Variants in DENND11 observed in about 807,000 individuals in gnomAD.
DENND11 encodes DENN domain-containing protein 11.
In DENND11, 34 loss-of-function variants were observed where a neutral mutation model predicts 49.2. The observed-to-expected ratio is 0.69, with a 90% confidence interval of 0.53 to 0.92. The LOEUF is 0.92. DENND11 is among the 40% of genes least tolerant of loss of function. The probability of loss-of-function intolerance (pLI) is 0.00; values close to 1 mark genes in which losing one functional copy is unlikely to be tolerated. For missense variants in DENND11, 475 were observed against 581.6 expected (o/e 0.82, Z 1.88); for synonymous variants, 238 against 230.3 (o/e 1.03, Z -0.30).
chr7:141,659,764 CAGA>C lies in DENND11; in HGVS notation c.*2889_*2891del, dbSNP rs1314370552. 1 of 152,306 alleles carries C rather than the reference CAGA, an allele frequency of 6.6e-6. No homozygotes were observed. Among genetic ancestry groups the C allele is most frequent in the African/African-American group, 2.4e-5 (1 of 41,448 alleles). 9.4% of individuals were successfully genotyped at this position (152,306 alleles called of 1,614,324 possible). On this transcript the variant is annotated 3_prime_UTR_variant, in exon 9 of 9. Transcript: ENST00000536163. ...GCTGAGGCCCGGCAGGAGATGGTGG[CAGA>C]AGGTGTCACACCACAGGTATCCAAC...
chr7:141,664,278 C>G, intron 7 of DENND11, 38 bp from the exon 8 acceptor site: 1 of 1,526,572 alleles, frequency 6.6e-7, no homozygotes, highest in Non-Finnish European at 8.9e-7. Flanking sequence ...GGTGCAGGTA[C>G]CAGGACCGCA....
Position 141,699,454 on chromosome 7 carries a change from T to G in DENND11, c.268+2432A>C, listed in dbSNP as rs148757215. 0.012 allele frequency among the ~76,000 whole-genome samples: 1,860 copies of G among 152,238 alleles called. 47 individuals are homozygous for G. The South Asian group carries it at 0.14, about 12-fold the overall frequency. ...ATATGGTACAAGGTCTATCAGAGTA[T>G]TTTTACAGGAAGCAAAGTGCCATTT... On this transcript the variant is annotated intron_variant, in intron 1 of 8. Transcript: ENST00000536163.
At chr7:141,679,645 G>A (rs1315097910) in intron 3 of DENND11, among the ~76,000 whole-genome samples, 1 of 151,742 alleles carries the variant, frequency 6.6e-6, no homozygotes, top group East Asian at 1.9e-4. Context: ...CTGGGAGGCG[G>A]AGGTTGCAAT....
At chr7:141,682,820 T>G (rs1183309474) in intron 3 of DENND11, among the ~76,000 whole-genome samples, 1 of 152,210 alleles carries the variant, frequency 6.6e-6, no homozygotes, top group Non-Finnish European at 1.5e-5. Flanking sequence ...TTAAAATTTT[T>G]GGATTTTGAA....
At chr7:141,691,909 A>T (rs12670431) in intron 1 of DENND11, among the ~76,000 whole-genome samples, 52,025 of 149,034 alleles carry the variant, frequency 0.35, 10,294 homozygotes, top group East Asian at 0.52. Context: ...ATGGGTATTT[A>T]AAAAAAAACA....
At chr7:141,682,013 C>T (rs923080917) in intron 3 of DENND11, among the ~76,000 whole-genome samples, 2 of 152,166 alleles carry the variant, frequency 1.3e-5, no homozygotes, top group African/African-American at 2.4e-5. Context: ...AGTGACCATC[C>T]GTATTTCTCA....
rs1039148460 is a variant in DENND11, at chr7:141,661,469, C to T, written c.*1187G>A. Reference sequence around the variant, plus strand: ...TCAGGGATGCTCAGGGCTTCCTGACCACTGTCCCGGGTGAAGGCACTGCCA... The same window carrying T: ...TCAGGGATGCTCAGGGCTTCCTGACTACTGTCCCGGGTGAAGGCACTGCCA... On this transcript the variant is annotated 3_prime_UTR_variant, in exon 9 of 9. Coordinates refer to ENST00000536163, the MANE Select transcript of DENND11 (RefSeq NM_001080392.2). 1 of 152,260 alleles carries T rather than the reference C, an allele frequency of 6.6e-6. No individual in the cohort carries two copies. Among genetic ancestry groups the T allele is most frequent in the Admixed American group, 6.5e-5 (1 of 15,288 alleles). 9.4% of individuals were successfully genotyped at this position (152,260 alleles called of 1,614,324 possible). A position where few individuals can be genotyped will look rare whatever the true frequency, so the allele number is the denominator to read the frequency against.
At position 141,665,427 on chromosome 7, in the gene DENND11, T is replaced by G. The variant is rs1185609642; in HGVS notation, c.821-109A>C. ...CTCCAGGCTATCTGGTGCTTCAGGA[T>G]CCAGGTGGTCCTGGCGTTCTGAGGA... On this transcript the variant is annotated intron_variant, in intron 5 of 8. Transcript: ENST00000536163. The G allele has an allele frequency of 2.8e-6, 4 of 1,449,454 alleles. No individual in the cohort carries two copies. In the East Asian group the frequency reaches 9.8e-5, roughly 36 times the overall value. 89.8% of individuals were successfully genotyped at this position (1,449,454 alleles called of 1,614,324 possible).
intron 7 of DENND11, 69 bp from the exon 8 acceptor site, chr7:141,664,309 C>G: frequency 1.6e-6 from 2 of 1,232,192 alleles, no homozygotes; most frequent in Non-Finnish European, 2.3e-6. Context: ...AGGCCTCAGC[C>G]AGGCATCTTC....
intron 1 of DENND11, among the ~76,000 whole-genome samples, chr7:141,695,108 C>T (rs1040569109): frequency 1.3e-5 from 2 of 151,990 alleles, no homozygotes; most frequent in Non-Finnish European, 2.9e-5. Flanking sequence ...AAAAAATGTG[C>T]CACTGACAAA....
intron 1 of DENND11, among the ~76,000 whole-genome samples, chr7:141,693,607 G>A (rs563513905): frequency 5.9e-5 from 9 of 152,156 alleles, no homozygotes; most frequent in Non-Finnish European, 1.2e-4. Flanking sequence ...TCCTTCATAG[G>A]TGAATGGATA....
chr7:141,671,930 C>T (rs559468276), intron 4 of DENND11, among the ~76,000 whole-genome samples: 1 of 152,304 alleles, frequency 6.6e-6, no homozygotes, highest in African/African-American at 2.4e-5. Context: ...CAATTGGCTT[C>T]CTGTTAGAGT....
At position 141,658,224 on chromosome 7, in the gene DENND11, CTTA is replaced by C. The variant is rs986163209; in HGVS notation, c.*4429_*4431del. 6.6e-6 allele frequency: 1 copy of C among 152,188 alleles called. No individual in the cohort carries two copies. Among genetic ancestry groups the C allele is most frequent in the African/African-American group, 2.4e-5 (1 of 41,460 alleles). 9.4% of individuals were successfully genotyped at this position (152,188 alleles called of 1,614,324 possible). On this transcript the variant is annotated 3_prime_UTR_variant, in exon 9 of 9. Coordinates refer to ENST00000536163, the MANE Select transcript of DENND11 (RefSeq NM_001080392.2). ...TCAATAAAAAAATAAACTTCCATTT[CTTA>C]TAAGAAAAACATTAACTTAATTCAC...
chr7:141,665,216 C>T lies in DENND11; in HGVS notation c.923G>A (p.Ser308Asn). 6.2e-7 allele frequency: 1 copy of T among 1,613,232 alleles called. No individual in the cohort carries two copies. Among genetic ancestry groups the T allele is most frequent in the Non-Finnish European group, 8.5e-7 (1 of 1,179,574 alleles). The part of the protein sequence containing the change: ...FFYVNVADIE[S>N]LEVEVSYVAC... ...CACATAGGACACCTCTACCTCCAGG[C>T]TCTCGATGTCAGCCACGTTCACGTA... The change falls in exon 6 of 9, where the codon AGC becomes AAC. Residue 308 changes from serine (S) to asparagine (N), a missense_variant. By Grantham distance (46) the Ser-to-Asn change is conservative. Transcript: ENST00000536163.
intron 1 of DENND11, among the ~76,000 whole-genome samples, chr7:141,689,797 A>G (rs1430084794): frequency 6.6e-6 from 1 of 152,208 alleles, no homozygotes; most frequent in Non-Finnish European, 1.5e-5. Context: ...TACAAAATGT[A>G]ATTATAGTTT....
intron 3 of DENND11, among the ~76,000 whole-genome samples, chr7:141,684,167 T>A (rs1798193275): frequency 6.6e-6 from 1 of 152,174 alleles, no homozygotes; most frequent in African/African-American, 2.4e-5. Context: ...CTTCAACTGA[T>A]CCTCCTAAAT....
chr7:141,683,196 A>G lies in DENND11; in HGVS notation c.527+2282T>C, dbSNP rs1482112022. ...ACAATGGGAGAAAAACATATGCATC[A>G]TGGGTATTCCTGGAGAAGAAAAAAA... On this transcript the variant is annotated intron_variant, in intron 3 of 8. Transcript: ENST00000536163. Among the ~76,000 whole-genome samples the G allele has an allele frequency of 4.6e-5, 7 of 152,228 alleles. No individual in the cohort carries two copies. In the East Asian group the frequency reaches 1.3e-3, roughly 29 times the overall value.
Position 141,685,508 on chromosome 7 carries a change from C to T in DENND11, c.497G>A (p.Arg166His), listed in dbSNP as rs560062584. The T allele has an allele frequency of 8.1e-6, 13 of 1,613,896 alleles. No individual in the cohort carries two copies. The highest frequency in any genetic ancestry group is 2.2e-5 in the South Asian group (2 of 91,084). ...ILSPSYTLLY[R>H]YMHFLENQVR... Reference sequence around the variant, plus strand: ...CTGGTTCTCCAAGAAGTGCATGTAGCGGTAAAGCAGTGTGTAGGAGGGAGA... The same window carrying T: ...CTGGTTCTCCAAGAAGTGCATGTAGTGGTAAAGCAGTGTGTAGGAGGGAGA... Residue 166 changes from arginine to histidine, a missense_variant, in exon 3 of 9, where the codon CGC becomes CAC. Arg to His is a conservative substitution (Grantham distance 29). Coordinates refer to ENST00000536163, the MANE Select transcript of DENND11 (RefSeq NM_001080392.2).
intron 1 of DENND11, among the ~76,000 whole-genome samples, chr7:141,689,223 C>A (rs1346400587): frequency 6.6e-6 from 1 of 152,044 alleles, no homozygotes; most frequent in Non-Finnish European, 1.5e-5. Flanking sequence ...CAATGGTAGA[C>A]CGGATAAAGA....
Sources: allele counts gnomAD v4.1 joint callset (sites outside exome capture counted in the v4.1 genomes callset), GRCh38; gene constraint gnomAD v4.1.1; transcripts MANE v1.5; gene names NCBI Gene and HGNC (gene_info 2026-07-23, HGNC 2026-07-21).